KATNAL1: variants seen among roughly 807,000 people sequenced by gnomAD.
The protein encoded by KATNAL1 is katanin p60 ATPase-containing subunit A-like 1.
In KATNAL1, 32 loss-of-function variants were observed where a neutral mutation model predicts 55.2. The ratio of observed to expected loss-of-function variants is 0.58; its 90% CI spans 0.44 to 0.78. The LOEUF is 0.78. KATNAL1 is among the 30% of genes least tolerant of loss of function. The probability of loss-of-function intolerance (pLI) is 0.00; values close to 1 mark genes in which losing one functional copy is unlikely to be tolerated. For synonymous variants in KATNAL1, 193 were observed against 193.6 expected (o/e 1.00, Z 0.02); for missense variants, 466 against 600.9 (o/e 0.78, Z 2.35).
intron 9 of KATNAL1, among the ~76,000 whole-genome samples, chr13:30,223,473 C>A (rs1179845695): frequency 2.0e-4 from 29 of 143,298 alleles, no homozygotes; most frequent in African/African-American, 6.4e-4. Flanking sequence ...AAAAACTGCA[C>A]CGTAAATATA....
intron 9 of KATNAL1, among the ~76,000 whole-genome samples, chr13:30,225,917 G>A (rs1234840987): frequency 6.6e-6 from 1 of 151,930 alleles, no homozygotes; most frequent in African/African-American, 2.4e-5. Context: ...ACAATGCACA[G>A]ATCTAATAAC....
rs777573947 is a variant in KATNAL1 at position 30,208,363 on chromosome 13, T to C, written c.*177A>G. The stretch of plus-strand genomic sequence containing the variant: ...AAGCCGGGGAGGGAGACTAGCAAAC[T>C]CTCGCCATCAATTATTTCTCAACTA... On this transcript the variant is annotated 3_prime_UTR_variant, in exon 11 of 11. Coordinates refer to ENST00000380615, the MANE Select transcript of KATNAL1 (RefSeq NM_032116.5). The C allele has an allele frequency of 1.1e-5, 6 of 557,322 alleles. No homozygotes were observed. The South Asian group carries it at 1.3e-4, about 12-fold the overall frequency. 34.5% of individuals were successfully genotyped at this position (557,322 alleles called of 1,614,324 possible).
At chr13:30,277,931 C>T (rs375765449) in intron 3 of KATNAL1, among the ~76,000 whole-genome samples, 272 of 129,254 alleles carry the variant, frequency 2.1e-3, no homozygotes, top group Middle Eastern at 0.016. Context: ...TGCAGTGAGC[C>T]GAGATTGCGC....
Position 30,280,067 on chromosome 13 carries a change from G to A in KATNAL1, c.319C>T (p.His107Tyr). The change falls in exon 3 of 11, where the codon CAC becomes TAC. Residue 107 changes from histidine to tyrosine, a missense_variant. His to Tyr is a moderately conservative substitution (Grantham distance 83). Around this residue, in one of 3 missense-constraint regions of KATNAL1, gnomAD observed 248 missense variants for 275.5 expected, o/e 0.90. Transcript: ENST00000380615. ...AGAATATAAAGTCCTATTTACCTGT[G>A]TTCTGCAGGAACAGGGGGTGGCCAA... ...AVWPPPVPAE[H>Y]RAPPQIRRPN... 1 of 1,610,926 alleles carries A rather than the reference G, an allele frequency of 6.2e-7. No individual in the cohort carries two copies. Among genetic ancestry groups the A allele is most frequent in the East Asian group, 2.2e-5 (1 of 44,772 alleles).
At chr13:30,274,292 C>T (rs1165511959) in intron 3 of KATNAL1, among the ~76,000 whole-genome samples, 1 of 152,142 alleles carries the variant, frequency 6.6e-6, no homozygotes, top group Non-Finnish European at 1.5e-5. Flanking sequence ...CTTAATTGAT[C>T]TTTTCACTGC....
chr13:30,280,337 A>C (rs1485515388), intron 2 of KATNAL1, 114 bp from the exon 3 acceptor site: 6 of 699,660 alleles, frequency 8.6e-6, no homozygotes, highest in Middle Eastern at 4.2e-4. Context: ...TGAAAAATGA[A>C]TCATTAAAAC....
intron 6 of KATNAL1, among the ~76,000 whole-genome samples, chr13:30,233,226 C>T (rs1400873341): frequency 6.6e-6 from 1 of 152,116 alleles, no homozygotes; most frequent in African/African-American, 2.4e-5. Context: ...GGATTAGTAA[C>T]CAGAACACAT....
intron 3 of KATNAL1, among the ~76,000 whole-genome samples, chr13:30,264,163 G>T (rs1295866732): frequency 2.2e-3 from 326 of 151,172 alleles, no homozygotes; most frequent in African/African-American, 7.2e-3. Flanking sequence ...TGGGAAGACT[G>T]GCTAGCCATA....
At chr13:30,296,813 C>A in intron 1 of KATNAL1, 3 of 400,444 alleles carry the variant, frequency 7.5e-6, no homozygotes, top group South Asian at 3.9e-5. Context: ...TACCTAGGTG[C>A]CCTGTGCTGA....
intron 3 of KATNAL1, among the ~76,000 whole-genome samples, chr13:30,263,011 C>T (rs2137482308): frequency 6.6e-6 from 1 of 152,302 alleles, no homozygotes; most frequent in South Asian, 2.1e-4. Context: ...CATCTAAAAG[C>T]TTATCCACCA....
chr13:30,298,346 C>T (rs1882657364), intron 1 of KATNAL1, among the ~76,000 whole-genome samples: 1 of 152,182 alleles, frequency 6.6e-6, no homozygotes, highest in South Asian at 2.1e-4. Flanking sequence ...TCAGTAATTA[C>T]TTTTTATTGC....
chr13:30,294,052 G>A (rs1209058406), intron 1 of KATNAL1, among the ~76,000 whole-genome samples: 1 of 152,134 alleles, frequency 6.6e-6, no homozygotes, highest in African/African-American at 2.4e-5. Flanking sequence ...ATAGGCTGTT[G>A]CCCTCTCTCT....
intron 3 of KATNAL1, among the ~76,000 whole-genome samples, chr13:30,259,670 T>TA (rs778833000): frequency 3.9e-4 from 60 of 152,150 alleles, no homozygotes; most frequent in Non-Finnish European, 7.2e-4. Context: ...CTGACGGTCT[T>TA]AAAAAACGCG....
chr13:30,273,904 G>C (rs970574706), intron 3 of KATNAL1, among the ~76,000 whole-genome samples: 2 of 151,036 alleles, frequency 1.3e-5, no homozygotes, highest in East Asian at 1.9e-4. Context: ...CTCTCATTCT[G>C]TGTATCTCAT....
chr13:30,232,605 C>G (rs773886513), intron 6 of KATNAL1, among the ~76,000 whole-genome samples: 2 of 152,144 alleles, frequency 1.3e-5, no homozygotes, highest in Non-Finnish European at 2.9e-5. Context: ...TTCTCCGATG[C>G]CTTTTTCCAT....
intron 8 of KATNAL1, 131 bp from the exon 9 acceptor site, chr13:30,227,677 T>TTTTGCCACCACACA: frequency 1.3e-6 from 1 of 759,550 alleles, no homozygotes; most frequent in Non-Finnish European, 2.0e-6. Context: ...CTCTGTGTGG[T>TTTTGCCACCACACA]GGCAAAACCA....
At position 30,239,271 on chromosome 13, in the gene KATNAL1, A is replaced by G. The variant is rs140448099; in HGVS notation, c.726+1189T>C. Among the ~76,000 whole-genome samples, 1,370 of 152,192 alleles carry G rather than the reference A, an allele frequency of 9.0e-3. 11 individuals are homozygous for G. The highest frequency in any genetic ancestry group is 0.01 in the Non-Finnish European group (694 of 68,000). On this transcript the variant is annotated intron_variant, in intron 6 of 10. Transcript: ENST00000380615. ...CCAAAAATACAAAAATTAGCTGGGCATGGTGGCACGCATCTGTAATTGCAG... is the reference window on the plus strand; with the variant it reads ...CCAAAAATACAAAAATTAGCTGGGCGTGGTGGCACGCATCTGTAATTGCAG...
intron 6 of KATNAL1, among the ~76,000 whole-genome samples, chr13:30,239,684 G>GTTTTTT (rs1566100241): frequency 7.8e-6 from 1 of 128,394 alleles, no homozygotes. Context: ...ATACAGAAGT[G>GTTTTTT]ATTTTTTTTT....
intron 1 of KATNAL1, among the ~76,000 whole-genome samples, chr13:30,304,001 G>T (rs1883026229): frequency 6.6e-6 from 1 of 152,122 alleles, no homozygotes; most frequent in Admixed American, 6.5e-5. Flanking sequence ...TTCAGTTGTT[G>T]AGCACTTTAG....
Sources: allele counts gnomAD v4.1 joint callset (sites outside exome capture counted in the v4.1 genomes callset), GRCh38; gene constraint gnomAD v4.1.1; regional missense constraint gnomAD v4.1.1; transcripts MANE v1.5; gene names NCBI Gene and HGNC (gene_info 2026-07-23, HGNC 2026-07-21).